The following PARP8 variants were observed in gnomAD, a reference collection of about 807,000 sequenced individuals.
PARP8 encodes poly(ADP-ribose) polymerase family member 8.
A neutral mutation model predicts 124.1 loss-of-function variants in PARP8; 51 were observed. The observed-to-expected ratio is 0.41, with a 90% CI of 0.33 to 0.52. The LOEUF (loss-of-function observed/expected upper bound fraction) is 0.52. PARP8 is among the 20% of genes least tolerant of loss of function. The pLI is 0.21. For synonymous variants in PARP8, 391 were observed against 361.5 expected (o/e 1.08, Z -0.93); for missense variants, 860 against 1,018.9 (o/e 0.84, Z 2.12).
chr5:50,840,561 T>C (rs1748068776), intron 25 of PARP8, among the ~76,000 whole-genome samples: 1 of 151,810 alleles, frequency 6.6e-6, no homozygotes, highest in Non-Finnish European at 1.5e-5. Flanking sequence ...GTAGCAAAGT[T>C]ATATAGAGAG....
chr5:50,747,494 TGTTGA>T (rs1257235226), intron 2 of PARP8, among the ~76,000 whole-genome samples: 1 of 152,014 alleles, frequency 6.6e-6, no homozygotes. Flanking sequence ...AAATTATGAT[TGTTGA>T]GTTGTTCATT....
At chr5:50,725,048 C>T (rs1219102967) in intron 2 of PARP8, among the ~76,000 whole-genome samples, 1 of 150,072 alleles carries the variant, frequency 6.7e-6, no homozygotes, top group Non-Finnish European at 1.5e-5. Context: ...TTTTTAGTGG[C>T]TGAGTAGTAT....
chr5:50,792,412 G>A (rs914422323), intron 10 of PARP8, among the ~76,000 whole-genome samples: 2 of 151,848 alleles, frequency 1.3e-5, no homozygotes, highest in Non-Finnish European at 2.9e-5. Flanking sequence ...ACTGATTTTA[G>A]ATGTTGAATC....
At chr5:50,837,193 G>A (rs543511159) in intron 25 of PARP8, among the ~76,000 whole-genome samples, 31 of 152,146 alleles carry the variant, frequency 2.0e-4, no homozygotes, top group African/African-American at 4.8e-4. Context: ...GAAAAATTTC[G>A]TGTTATCATA....
At chr5:50,701,976 A>C (rs1753645740) in intron 2 of PARP8, among the ~76,000 whole-genome samples, 1 of 152,170 alleles carries the variant, frequency 6.6e-6, no homozygotes, top group Non-Finnish European at 1.5e-5. Context: ...TAATCATTTT[A>C]GCTTGGAAAG....
At chr5:50,769,255 A>G (rs2149590925) in intron 7 of PARP8, among the ~76,000 whole-genome samples, 1 of 152,012 alleles carries the variant, frequency 6.6e-6, no homozygotes, top group East Asian at 1.9e-4. Context: ...TGGGGAAAAC[A>G]GTTGTAGATA....
At chr5:50,672,302 G>A (rs984048377) in intron 2 of PARP8, among the ~76,000 whole-genome samples, 2 of 152,152 alleles carry the variant, frequency 1.3e-5, no homozygotes, top group African/African-American at 4.8e-5. Flanking sequence ...TCTCTCCTAT[G>A]CGTTGCAGTT....
chr5:50,698,645 A>C (rs1331951109), intron 2 of PARP8, among the ~76,000 whole-genome samples: 2 of 152,170 alleles, frequency 1.3e-5, no homozygotes, highest in African/African-American at 4.8e-5. Flanking sequence ...ATGAAAGAAT[A>C]ATCAGTCTTT....
chr5:50,745,893 C>G (rs1758489515), intron 2 of PARP8, among the ~76,000 whole-genome samples: 1 of 152,116 alleles, frequency 6.6e-6, no homozygotes, highest in South Asian at 2.1e-4. Context: ...ACATTTCCCC[C>G]CAGCTTGTTT....
intron 9 of PARP8, among the ~76,000 whole-genome samples, chr5:50,780,265 A>G (rs533679068): frequency 4.6e-5 from 7 of 152,086 alleles, no homozygotes; most frequent in Non-Finnish European, 8.8e-5. Flanking sequence ...TTCCCCACAT[A>G]TTCTGCCATA....
intron 3 of PARP8, among the ~76,000 whole-genome samples, chr5:50,751,673 A>G (rs1759285128): frequency 6.6e-6 from 1 of 152,136 alleles, no homozygotes; most frequent in Non-Finnish European, 1.5e-5. Flanking sequence ...AGTTTATAAT[A>G]TAAATTCATA....
intron 14 of PARP8, among the ~76,000 whole-genome samples, chr5:50,808,521 G>A (rs1384248315): frequency 6.6e-6 from 1 of 151,982 alleles, no homozygotes; most frequent in Non-Finnish European, 1.5e-5. Context: ...CAGTGGGTAT[G>A]TCTCCTGAAA....
At chr5:50,688,881 G>A (rs73098981) in intron 2 of PARP8, among the ~76,000 whole-genome samples, 71 of 152,168 alleles carry the variant, frequency 4.7e-4, no homozygotes, top group African/African-American at 1.5e-3. Context: ...TTGGTTGAGC[G>A]GTAGCCCAAG....
intron 2 of PARP8, among the ~76,000 whole-genome samples, chr5:50,676,455 A>G (rs1316958061): frequency 1.3e-5 from 2 of 152,196 alleles, no homozygotes; most frequent in African/African-American, 4.8e-5. Context: ...AAGGGCTCTC[A>G]ACCTTTCTTA....
chr5:50,841,926 C>A, intron 25 of PARP8, 40 bp from the exon 26 acceptor site: 1 of 1,426,236 alleles, frequency 7.0e-7, no homozygotes, highest in Non-Finnish European at 9.8e-7. Flanking sequence ...ATGCTGCCAT[C>A]TTTTAAAATG....
rs1426638963 is a variant in PARP8, at chr5:50,666,990, G to T, written c.-106G>T. The stretch of plus-strand genomic sequence containing the variant: ...CCACTTCGCCTTCAGCCCCTGCCTC[G>T]GCCAGAGGTTTCATTTTTAACTGAA... On this transcript the variant is annotated 5_prime_UTR_variant, in exon 1 of 26. Coordinates refer to ENST00000281631, the MANE Select transcript of PARP8 (RefSeq NM_024615.4). 2.2e-5 allele frequency: 32 copies of T among 1,428,290 alleles called. No homozygotes were observed. Among genetic ancestry groups the T allele is most frequent in the Non-Finnish European group, 2.8e-5 (30 of 1,076,464 alleles). The allele number at this position is 1,428,290 out of a possible 1,614,324, so 88.5% of individuals were successfully genotyped here. A position where few individuals can be genotyped will look rare whatever the true frequency, so the allele number is the denominator to read the frequency against.
chr5:50,797,107 C>G (rs1742648571), intron 13 of PARP8, 31 bp from the exon 14 acceptor site: 1 of 1,608,686 alleles, frequency 6.2e-7, no homozygotes, highest in South Asian at 1.1e-5. Flanking sequence ...ATGAGCTTGT[C>G]TTAATTATTT....
intron 5 of PARP8, among the ~76,000 whole-genome samples, chr5:50,761,477 C>G (rs981579287): frequency 6.6e-6 from 1 of 151,820 alleles, no homozygotes; most frequent in African/African-American, 2.4e-5. Flanking sequence ...TGCTGAGGAG[C>G]TTTTTAATAA....
In PARP8 at chr5:50,795,381, C is replaced by A. The variant is rs1217560831; in HGVS notation, c.1392C>A (p.Ile464=). 3.1e-6 allele frequency: 5 copies of A among 1,603,816 alleles called. No homozygotes were observed. Among genetic ancestry groups the A allele is most frequent in the Admixed American group, 3.5e-5 (2 of 57,082 alleles). The change falls in exon 12 of 26, where the codon ATC becomes ATA. Residue 464 remains isoleucine (I), a synonymous_variant. Transcript: ENST00000281631. The part of the protein sequence containing the change: ...RLSLTSGLIG[I]LTPSSSSSSQ... ...CTCTTACCTCAGGGCTTATTGGTAT[C>A]CTAACACCATCTTCATCTTCATCTT...
Sources: gnomAD v4.1 joint callset for allele counts (sites outside exome capture counted in the v4.1 genomes callset) on GRCh38, gnomAD v4.1.1 for gene constraint, MANE v1.5 for transcripts, NCBI Gene and HGNC (gene_info 2026-07-23, HGNC 2026-07-21) for gene names.